Variants in MICU2 observed in about 807,000 individuals in gnomAD.
The protein encoded by MICU2 is calcium uptake protein 2, mitochondrial.
Under a neutral mutation model 60.4 loss-of-function variants are expected in MICU2, and 64 were observed. The observed-to-expected ratio is 1.06, with a 90% CI of 0.87 to 1.31. The LOEUF is 1.31. Among genes scored for constraint, MICU2 ranks in the 50% most tolerant of loss-of-function variants. The pLI, the probability that MICU2 is intolerant of heterozygous loss-of-function variation, is 0.00. For missense variants in MICU2, 569 were observed against 531.0 expected (o/e 1.07, Z -0.70); for synonymous variants, 201 against 175.0 (o/e 1.15, Z -1.17).
intron 10 of MICU2, chr13:21,495,523 T>C (rs986335965): frequency 2.0e-5 from 10 of 507,820 alleles, no homozygotes; most frequent in East Asian, 9.3e-5. Flanking sequence ...AAATGAGCTA[T>C]TGTAATTTAA....
intron 1 of MICU2, among the ~76,000 whole-genome samples, chr13:21,587,859 C>T (rs1443781088): frequency 6.6e-6 from 1 of 152,180 alleles, no homozygotes; most frequent in Non-Finnish European, 1.5e-5. Flanking sequence ...TAAATGTGCA[C>T]TTTAAGTAGA....
intron 6 of MICU2, among the ~76,000 whole-genome samples, chr13:21,520,214 A>AT (rs1886682806): frequency 6.6e-6 from 1 of 152,180 alleles, no homozygotes; most frequent in Non-Finnish European, 1.5e-5. Flanking sequence ...CTTGATGAAC[A>AT]TTTCGGTTGT....
chr13:21,503,372 C>T (rs558228078), intron 8 of MICU2, among the ~76,000 whole-genome samples: 2 of 152,104 alleles, frequency 1.3e-5, no homozygotes, highest in African/African-American at 4.8e-5. Flanking sequence ...AACCTAAAGA[C>T]TTAAAAAAAT....
chr13:21,530,946 C>G, intron 4 of MICU2: 2 of 767,266 alleles, frequency 2.6e-6, no homozygotes, highest in Non-Finnish European at 4.8e-6. Flanking sequence ...ATCCTGTGGT[C>G]CAGATCATTT....
chr13:21,552,161 C>G (rs12397525), intron 2 of MICU2, among the ~76,000 whole-genome samples: 60,386 of 151,946 alleles, frequency 0.4, 12,756 homozygotes, highest in East Asian at 0.66. Context: ...TTGTGGTTTT[C>G]ATTTGCATTT....
chr13:21,495,607 C>T (rs1885974537), intron 10 of MICU2: 2 of 292,260 alleles, frequency 6.8e-6, no homozygotes, highest in South Asian at 7.1e-5. Context: ...ACGATCTTGA[C>T]TCACTACAAC....
chr13:21,511,875 A>G lies in MICU2; in HGVS notation c.664-1774T>C, dbSNP rs551707743. On this transcript the variant is annotated intron_variant, in intron 7 of 11. Transcript: ENST00000382374. ...CATTCAGGTTGTCGTATCTTTTGCC[A>G]TATCAATTGTGTTTCTTTTTATTGC... Among the ~76,000 whole-genome samples, 30 of 151,056 alleles carry G rather than the reference A, an allele frequency of 2.0e-4. No individual in the cohort carries two copies. In the East Asian group the frequency reaches 2.3e-3, roughly 12 times the overall value.
At chr13:21,571,204 G>A (rs1476801360) in intron 1 of MICU2, among the ~76,000 whole-genome samples, 1 of 151,964 alleles carries the variant, frequency 6.6e-6, no homozygotes, top group Admixed American at 6.6e-5. Flanking sequence ...GCATATTCGT[G>A]GTAGGTTAGG....
chr13:21,572,943 C>CAAA (rs5802121), intron 1 of MICU2, among the ~76,000 whole-genome samples: 2,216 of 143,366 alleles, frequency 0.015, 35 homozygotes, highest in Non-Finnish European at 0.026. Context: ...GTAAATAATA[C>CAAA]AAAAAAAAAA....
intron 1 of MICU2, among the ~76,000 whole-genome samples, chr13:21,599,453 T>C (rs1260786096): frequency 6.6e-6 from 1 of 152,222 alleles, no homozygotes; most frequent in Non-Finnish European, 1.5e-5. Context: ...GGAGTAATAC[T>C]AAAAGCTTAG....
intron 2 of MICU2, among the ~76,000 whole-genome samples, chr13:21,549,208 C>T (rs571661476): frequency 3.3e-4 from 50 of 152,140 alleles, no homozygotes; most frequent in South Asian, 1.2e-3. Flanking sequence ...GGATTACAGG[C>T]GTGAGCTAGC....
intron 1 of MICU2, among the ~76,000 whole-genome samples, chr13:21,589,652 CACCTGTTCCACCCTGACTCATTCGGATT>C (rs1253377560): frequency 1.3e-5 from 2 of 152,208 alleles, no homozygotes; most frequent in East Asian, 3.9e-4. Flanking sequence ...TCATTTCAAT[CACCTGTTCCACCCTGACTCATTCGGATT>C]ACCTGCTCCA....
At chr13:21,600,635 G>C (rs1218689611) in intron 1 of MICU2, among the ~76,000 whole-genome samples, 1 of 152,164 alleles carries the variant, frequency 6.6e-6, no homozygotes, top group Non-Finnish European at 1.5e-5. Flanking sequence ...ACTGTTTCAT[G>C]ACATGAAACT....
chr13:21,591,102 G>C (rs1888571865), intron 1 of MICU2, among the ~76,000 whole-genome samples: 3 of 151,678 alleles, frequency 2.0e-5, no homozygotes, highest in African/African-American at 7.3e-5. Flanking sequence ...ATTGAATAAA[G>C]AGTCAAGACT....
intron 2 of MICU2, among the ~76,000 whole-genome samples, chr13:21,564,267 T>C (rs1887921647): frequency 6.6e-6 from 1 of 152,202 alleles, no homozygotes; most frequent in African/African-American, 2.4e-5. Flanking sequence ...TGGTAAAAGT[T>C]ACTGAGGTAG....
At chr13:21,589,949 C>G (rs948543192) in intron 1 of MICU2, among the ~76,000 whole-genome samples, 1 of 152,154 alleles carries the variant, frequency 6.6e-6, no homozygotes. Flanking sequence ...TCTGTAAGGG[C>G]GCACCCTTCT....
intron 2 of MICU2, among the ~76,000 whole-genome samples, chr13:21,555,912 A>G (rs1449445364): frequency 6.6e-6 from 1 of 152,130 alleles, no homozygotes; most frequent in African/African-American, 2.4e-5. Context: ...CCAAGCTTCC[A>G]CTGTGCTCTC....
intron 8 of MICU2, among the ~76,000 whole-genome samples, chr13:21,505,138 T>TA (rs1206163681): frequency 5.3e-5 from 8 of 152,134 alleles, no homozygotes; most frequent in Admixed American, 5.2e-4. Flanking sequence ...ATTTTCAGTT[T>TA]AAAAAATTCA....
chr13:21,530,866 T>C, intron 4 of MICU2: 1 of 742,558 alleles, frequency 1.3e-6, no homozygotes, highest in South Asian at 1.5e-5. Flanking sequence ...GGACTCACCC[T>C]CCTACGTCCT....
Sources: allele counts gnomAD v4.1 joint callset (sites outside exome capture counted in the v4.1 genomes callset), GRCh38; gene constraint gnomAD v4.1.1; transcripts MANE v1.5; gene names NCBI Gene and HGNC (gene_info 2026-07-23, HGNC 2026-07-21).